The following EGF variants were observed in gnomAD, a reference collection of about 807,000 sequenced individuals.
EGF encodes the protein epidermal growth factor.
EGF carries 95 observed loss-of-function variants against 143.8 expected under a neutral mutation model. The observed-to-expected ratio is 0.66, with a 90% CI of 0.56 to 0.78. The LOEUF is 0.78. Among genes scored for constraint, EGF ranks in the 30% least tolerant of loss-of-function variants. The pLI, the probability that EGF is intolerant of heterozygous loss-of-function variation, is 0.00. For missense variants in EGF, 1,320 were observed against 1,470.9 expected, an observed-to-expected ratio of 0.90 and a Z score of 1.68; for synonymous variants, 510 against 510.5, an observed-to-expected ratio of 1.00 and a Z score of 0.01.
intron 5 of EGF, among the ~76,000 whole-genome samples, chr4:109,956,064 C>T (rs1744741688): frequency 6.6e-6 from 1 of 152,152 alleles, no homozygotes; most frequent in Non-Finnish European, 1.5e-5. Flanking sequence ...TGTTACCATA[C>T]TATAAGCAGT....
chr4:109,940,895 A>T (rs1321679823), intron 1 of EGF, 51 bp from the exon 2 acceptor site: 1 of 1,557,736 alleles, frequency 6.4e-7, no homozygotes, highest in South Asian at 1.1e-5. Context: ...TTTTGTTTAA[A>T]TGAGATAAAA....
At chr4:110,000,820 G>T (rs1752480661) in intron 21 of EGF, among the ~76,000 whole-genome samples, 1 of 152,192 alleles carries the variant, frequency 6.6e-6, no homozygotes, top group African/African-American at 2.4e-5. Flanking sequence ...CTTTAGGGCT[G>T]AAGGGGACTT....
intron 1 of EGF, among the ~76,000 whole-genome samples, chr4:109,937,727 G>A (rs1022682331): frequency 6.6e-6 from 1 of 152,062 alleles, no homozygotes; most frequent in African/African-American, 2.4e-5. Context: ...AAATCTCTCA[G>A]CATTTGCTTG....
chr4:109,941,156 C>T lies in EGF; in HGVS notation c.327+11C>T. 9 of 1,612,826 alleles carry T rather than the reference C, an allele frequency of 5.6e-6. No individual in the cohort carries two copies. The highest frequency in any genetic ancestry group is 6.8e-6 in the Non-Finnish European group (8 of 1,179,162). On this transcript the variant is annotated intron_variant, in intron 2 of 23. Transcript: ENST00000265171. The stretch of plus-strand genomic sequence containing the variant: ...GGGTCAAGGCAAGAGGTAAAATACC[C>T]TTACCTACAGTGTTTGAGCTGTTTT...
chr4:109,977,862 C>T (rs1010900562), intron 13 of EGF, among the ~76,000 whole-genome samples: 5 of 152,016 alleles, frequency 3.3e-5, no homozygotes, highest in Admixed American at 1.3e-4. Context: ...CCAAAAAATA[C>T]ATCACCCAAA....
chr4:109,964,639 G>C, intron 10 of EGF, 102 bp downstream of exon 10: 1 of 1,507,100 alleles, frequency 6.6e-7, no homozygotes. Flanking sequence ...CCTCTGCTAA[G>C]TTCTGAATGA....
At chr4:109,973,048 A>G (rs574782654) in intron 11 of EGF, among the ~76,000 whole-genome samples, 22 of 152,334 alleles carry the variant, frequency 1.4e-4, no homozygotes, top group Non-Finnish European at 2.4e-4. Context: ...GCAGGGAAAC[A>G]GGGAAAGCAG....
rs200072102 is a variant in EGF at position 110,011,184 on chromosome 4, C to A, written c.3371-18C>A. Reference sequence around the variant, plus strand: ...GTTAATGATATGAATATTGAAATTTCTTTTGTCTTTCATATAGGGTCAATG... The same window carrying A: ...GTTAATGATATGAATATTGAAATTTATTTTGTCTTTCATATAGGGTCAATG... On this transcript the variant is annotated intron_variant, in intron 23 of 23. Transcript: ENST00000265171. The A allele has an allele frequency of 1.2e-6, 2 of 1,613,200 alleles. No homozygotes were observed. Among genetic ancestry groups the A allele is most frequent in the East Asian group, 2.2e-5 (1 of 44,882 alleles).
At chr4:109,925,260 G>A (rs1209683668) in intron 1 of EGF, among the ~76,000 whole-genome samples, 1 of 152,146 alleles carries the variant, frequency 6.6e-6, no homozygotes, top group Non-Finnish European at 1.5e-5. Context: ...AACAAATACT[G>A]CTGAAAACTG....
chr4:109,961,092 C>T (rs1745616738), intron 7 of EGF, 103 bp downstream of exon 7: 1 of 1,300,070 alleles, frequency 7.7e-7, no homozygotes, highest in Non-Finnish European at 1.1e-6. Context: ...CAGCAGTGTG[C>T]ATCATAATTA....
chr4:109,938,609 A>C (rs1285977284), intron 1 of EGF, among the ~76,000 whole-genome samples: 1 of 152,002 alleles, frequency 6.6e-6, no homozygotes, highest in African/African-American at 2.4e-5. Flanking sequence ...TGGTTTTTGG[A>C]ATTTTCAGCC....
chr4:109,968,825 C>G lies in EGF; in HGVS notation c.1576-146C>G. 3 of 934,016 alleles carry G rather than the reference C, an allele frequency of 3.2e-6. No individual in the cohort carries two copies. In the South Asian group the frequency reaches 4.4e-5, roughly 14 times the overall value. 57.9% of individuals were successfully genotyped at this position (934,016 alleles called of 1,614,324 possible). A position where few individuals can be genotyped will look rare whatever the true frequency, so the allele number is the denominator to read the frequency against. On this transcript the variant is annotated intron_variant, in intron 10 of 23. Transcript: ENST00000265171. ...CTTAAGGTTACACGTATCTGGGAAG[C>G]AGCCTAGTTCGAATTTAGTTGCAGG...
chr4:109,962,968 G>A (rs1198889061), intron 8 of EGF, among the ~76,000 whole-genome samples: 5 of 151,698 alleles, frequency 3.3e-5, no homozygotes, highest in Admixed American at 1.3e-4. Context: ...TTGGGAAGCT[G>A]AGGCAGGAGA....
Position 109,913,066 on chromosome 4 carries a change from T to A in EGF, c.-270T>A. 2.4e-6 allele frequency: 1 copy of A among 408,516 alleles called. No homozygotes were observed. Among genetic ancestry groups the A allele is most frequent in the Non-Finnish European group, 4.6e-6 (1 of 216,896 alleles). 25.3% of individuals were successfully genotyped at this position (408,516 alleles called of 1,614,324 possible). A position where few individuals can be genotyped will look rare whatever the true frequency, so the allele number is the denominator to read the frequency against. ...CTGTTAAACTCTGTGAAATTTGTCA[T>A]AAGGGTGTCAGGTATTTCTTACTGG... is the stretch of plus-strand genomic sequence containing the variant. On this transcript the variant is annotated 5_prime_UTR_variant, in exon 1 of 24. Coordinates refer to ENST00000265171, the MANE Select transcript of EGF (RefSeq NM_001963.6).
rs11568935 is a variant in EGF at position 109,960,794 on chromosome 4, G to C, written c.1067-73G>C. Reference sequence around the variant, plus strand: ...AGTGTGAGATACCCTGCGTTGTGATGACTTATTAGTGATAGCACAATTTAT... The same window carrying C: ...AGTGTGAGATACCCTGCGTTGTGATCACTTATTAGTGATAGCACAATTTAT... On this transcript the variant is annotated intron_variant, in intron 6 of 23. Coordinates refer to ENST00000265171, the MANE Select transcript of EGF (RefSeq NM_001963.6). The C allele has an allele frequency of 9.5e-6, 15 of 1,581,044 alleles. No homozygotes were observed. In the African/African-American group the frequency reaches 1.7e-4, roughly 18 times the overall value.
rs1491127040 is a variant in EGF at position 109,927,806 on chromosome 4, C to CAT, written c.128-13140_128-13139insAT. On this transcript the variant is annotated intron_variant, in intron 1 of 23. Transcript: ENST00000265171. ...CAGGATAGTGATTTCTGAATTTTGC[C>CAT]GTGTGTGTGTGTGTGTGTGTGTGTG... is the stretch of plus-strand genomic sequence containing the variant. Among the ~76,000 whole-genome samples, 921 of 136,390 alleles carry CAT rather than the reference C, an allele frequency of 6.8e-3. 13 individuals are homozygous for CAT. Among genetic ancestry groups the CAT allele is most frequent in the African/African-American group, 0.022 (789 of 35,478 alleles). The allele number at this position is 136,390 out of a possible 152,430, so 89.5% of individuals were successfully genotyped here.
In EGF at chr4:109,913,019, A is replaced by G. The variant is rs997476295; in HGVS notation, c.-317A>G. On this transcript the variant is annotated 5_prime_UTR_variant, in exon 1 of 24. Transcript: ENST00000265171. ...CTAAGCCTTTGCCTTGCTCTGTCAC[A>G]GTGAAGTCAGCCAGAGCAGGGCTGT... The G allele has an allele frequency of 1.2e-5, 4 of 345,990 alleles. No individual in the cohort carries two copies. The highest frequency in any genetic ancestry group is 5.1e-5 in the South Asian group (2 of 39,282). 21.4% of individuals were successfully genotyped at this position (345,990 alleles called of 1,614,324 possible).
chr4:109,939,458 G>C lies in EGF; in HGVS notation c.128-1488G>C, dbSNP rs140001952. On this transcript the variant is annotated intron_variant, in intron 1 of 23. Transcript: ENST00000265171. ...GTTACAGGCACTCACAACTTCCCTT[G>C]GCTAGGAAAGGGAAATCCCCTGACC... Among the ~76,000 whole-genome samples the C allele has an allele frequency of 5.1e-3, 772 of 152,310 alleles. 7 individuals carry two copies. The highest frequency in any genetic ancestry group is 0.018 in the African/African-American group (741 of 41,562).
In EGF at chr4:109,945,222, A is replaced by C. The variant is rs760127815; in HGVS notation, c.887A>C (p.Lys296Thr). Residue 296 changes from lysine (K) to threonine (T), a missense_variant, in exon 5 of 24, where the codon AAA (lysine) becomes ACA (threonine). Transcript: ENST00000265171. The part of the protein sequence containing the change: ...HSSFVPLGEL[K>T]VVHPLAQPKA... ...TCATTTGTACCACTTGGTGAACTGAAAGTAGTGCATCCACTTGCACAACCC... is the reference window on the plus strand; with the variant it reads ...TCATTTGTACCACTTGGTGAACTGACAGTAGTGCATCCACTTGCACAACCC... The C allele has an allele frequency of 1.9e-5, 30 of 1,614,020 alleles. No homozygotes were observed. The Admixed American group carries it at 2.2e-4, about 12-fold the overall frequency.
Sources: allele counts gnomAD v4.1 joint callset (sites outside exome capture counted in the v4.1 genomes callset), GRCh38; gene constraint gnomAD v4.1.1; transcripts MANE v1.5; gene names NCBI Gene and HGNC (gene_info 2026-07-23, HGNC 2026-07-21).